The following PCDHA7 variants were observed in gnomAD, a reference collection of about 807,000 sequenced individuals.
PCDHA7 encodes the protein protocadherin alpha-7.
In PCDHA7, 37 loss-of-function variants were observed where a neutral mutation model predicts 57.2. That is an observed-to-expected ratio of 0.65 (90% confidence interval 0.50 to 0.85). The LOEUF is 0.85. Among genes scored for constraint, PCDHA7 ranks in the 40% least tolerant of loss-of-function variants. The probability of loss-of-function intolerance (pLI) is 0.00; values close to 1 mark genes in which losing one functional copy is unlikely to be tolerated. For synonymous variants in PCDHA7, 553 were observed against 558.8 expected (o/e 0.99, Z 0.15); for missense variants, 1,188 against 1,241.8 (o/e 0.96, Z 0.65).
At chr5:140,966,983 G>T (rs782294035) in intron 1 of PCDHA7, 1 of 1,603,778 alleles carries the variant, frequency 6.2e-7, no homozygotes, top group Non-Finnish European at 8.5e-7. Flanking sequence ...GCGGCGCTTG[G>T]GGCCGGGTTG....
At chr5:140,982,296 C>A in intron 2 of PCDHA7, 179 bp from the exon 3 acceptor site, 1 of 1,167,132 alleles carries the variant, frequency 8.6e-7, no homozygotes, top group Non-Finnish European at 1.2e-6. Flanking sequence ...AGTAAGTCAG[C>A]AATGCTTCTG....
chr5:140,990,814 T>A (rs1184527701), intron 3 of PCDHA7, among the ~76,000 whole-genome samples: 1 of 152,184 alleles, frequency 6.6e-6, no homozygotes, highest in Non-Finnish European at 1.5e-5. Context: ...GAAGCTCCCT[T>A]CTCTCAGCTA....
At chr5:140,884,400 T>C (rs2060147472) in intron 1 of PCDHA7, 1 of 1,613,972 alleles carries the variant, frequency 6.2e-7, no homozygotes, top group Non-Finnish European at 8.5e-7. Context: ...TCCAGCCTGT[T>C]GGTGCTCACG....
At chr5:140,850,526 G>A (rs2150487958) in intron 1 of PCDHA7, 8 of 1,598,220 alleles carry the variant, frequency 5.0e-6, no homozygotes, top group Admixed American at 1.7e-5. Context: ...AGGCGCCAAA[G>A]TCATCGTCGC....
At chr5:140,849,200 C>G (rs2150432715) in intron 1 of PCDHA7, 2 of 1,040,964 alleles carry the variant, frequency 1.9e-6, no homozygotes, top group Non-Finnish European at 2.7e-6. Flanking sequence ...TACTGGACAA[C>G]AATGACAATG....
rs1773106478 is a variant in PCDHA7 at position 140,834,573 on chromosome 5, T to C, written c.190T>C (p.Phe64Leu). The C allele has an allele frequency of 6.2e-7, 1 of 1,614,010 alleles. No individual in the cohort carries two copies. Among genetic ancestry groups the C allele is most frequent in the South Asian group, 1.1e-5 (1 of 91,082 alleles). Residue 64 changes from phenylalanine (F) to leucine (L), a missense_variant, in exon 1 of 4, where the codon TTC becomes CTC. By Grantham distance (22) the Phe-to-Leu change is conservative. Transcript: ENST00000525929. ...LELAELVPRL[F>L]RAVCKFRGDL... ...GCTGGCGGAGCTGGTGCCGCGCCTGTTCCGGGCGGTGTGCAAATTCCGTGG... is the reference window on the plus strand; with the variant it reads ...GCTGGCGGAGCTGGTGCCGCGCCTGCTCCGGGCGGTGTGCAAATTCCGTGG...
chr5:140,842,992 C>A, intron 1 of PCDHA7: 1 of 1,594,970 alleles, frequency 6.3e-7, no homozygotes, highest in Non-Finnish European at 8.6e-7. Flanking sequence ...TCGTGCTGGA[C>A]GAGAATGACA....
At chr5:140,838,152 C>G (rs1353802529) in intron 1 of PCDHA7, among the ~76,000 whole-genome samples, 3 of 150,110 alleles carry the variant, frequency 2.0e-5, no homozygotes, top group Non-Finnish European at 4.4e-5. Context: ...TTTACTCTGT[C>G]GCCCTCTCTG....
chr5:140,853,245 C>T lies in PCDHA7; in HGVS notation c.2355+16507C>T. On this transcript the variant is annotated intron_variant, in intron 1 of 3. Coordinates refer to ENST00000525929, the MANE Select transcript of PCDHA7 (RefSeq NM_018910.3). ...TGGTAATTTAGTCCTTCATATTAAT[C>T]TCTATTCTCTCTCAGAGTACAAGCT... The T allele has an allele frequency of 2.1e-6, 2 of 975,340 alleles. 1 individual carries two copies. The highest frequency in any genetic ancestry group is 2.5e-6 in the Non-Finnish European group (2 of 808,438). The allele number at this position is 975,340 out of a possible 1,614,324, so 60.4% of individuals were successfully genotyped here.
chr5:140,845,477 G>A (rs2150379213), intron 1 of PCDHA7, among the ~76,000 whole-genome samples: 4 of 149,604 alleles, frequency 2.7e-5, no homozygotes, highest in Non-Finnish European at 6.0e-5. Flanking sequence ...ATTTGGGGTT[G>A]TGCTTTCACA....
intron 1 of PCDHA7, among the ~76,000 whole-genome samples, chr5:140,969,768 T>G (rs1250957386): frequency 1.3e-5 from 2 of 152,198 alleles, no homozygotes; most frequent in Admixed American, 1.3e-4. Context: ...CTCTGAGGCC[T>G]CTAGGGGCTA....
chr5:140,868,327 T>C (rs1554161889), intron 1 of PCDHA7: 1 of 152,138 alleles, frequency 6.6e-6, no homozygotes, highest in Non-Finnish European at 1.5e-5. Context: ...CTGCAATGAA[T>C]ATAAAGTCAC....
In PCDHA7 at chr5:140,856,020, G is replaced by C. The variant is rs782082828; in HGVS notation, c.2355+19282G>C. 111 of 1,553,262 alleles carry C rather than the reference G, an allele frequency of 7.1e-5. 11 individuals are homozygous for C. Among genetic ancestry groups the C allele is most frequent in the Non-Finnish European group, 9.5e-5 (109 of 1,143,834 alleles). ...TATGTGCGTTCTAGACCGCTGATTC[G>C]TCGATTTGTAAAACAAGAGAAGGAT... On this transcript the variant is annotated intron_variant, in intron 1 of 3. Coordinates refer to ENST00000525929, the MANE Select transcript of PCDHA7 (RefSeq NM_018910.3).
At chr5:140,869,727 T>G in intron 1 of PCDHA7, 1 of 1,613,380 alleles carries the variant, frequency 6.2e-7, no homozygotes, top group Non-Finnish European at 8.5e-7. Flanking sequence ...CTCCGGAACT[T>G]AATTTGCTGC....
chr5:140,927,203 C>G (rs782141467), intron 1 of PCDHA7: 1 of 1,614,104 alleles, frequency 6.2e-7, no homozygotes, highest in Admixed American at 1.7e-5. Context: ...CTCGAGGACC[C>G]GCTGGAGCTG....
intron 1 of PCDHA7, chr5:140,876,621 A>G: frequency 6.2e-7 from 1 of 1,614,120 alleles, no homozygotes; most frequent in Non-Finnish European, 8.5e-7. Context: ...GAGCCAATGG[A>G]CAGGTCATCT....
At chr5:140,856,444 C>G in intron 1 of PCDHA7, 1 of 1,598,432 alleles carries the variant, frequency 6.3e-7, no homozygotes, top group Non-Finnish European at 8.6e-7. Flanking sequence ...CGCCCAGGTT[C>G]TCCGTAACAG....
intron 1 of PCDHA7, among the ~76,000 whole-genome samples, chr5:140,936,151 C>G (rs947807537): frequency 6.6e-6 from 1 of 152,128 alleles, no homozygotes; most frequent in Non-Finnish European, 1.5e-5. Context: ...CCTTGGCCTC[C>G]TAAAGTGCTG....
chr5:140,927,805 C>T (rs2084654444), intron 1 of PCDHA7: 1 of 1,614,074 alleles, frequency 6.2e-7, no homozygotes, highest in South Asian at 1.1e-5. Context: ...GCCTGAAACG[C>T]TCTTGGAGGC....
Sources: allele counts gnomAD v4.1 joint callset (sites outside exome capture counted in the v4.1 genomes callset), GRCh38; gene constraint gnomAD v4.1.1; transcripts MANE v1.5; gene names NCBI Gene and HGNC (gene_info 2026-07-23, HGNC 2026-07-21).